Variants in GMDS observed in about 807,000 individuals in gnomAD.
GMDS encodes GDP-mannose 4,6-dehydratase.
In GMDS, 20 loss-of-function variants were observed where a neutral mutation model predicts 49.9. That is an observed-to-expected ratio of 0.40 (90% confidence interval 0.28 to 0.58). GMDS has a LOEUF of 0.58. Among genes scored for constraint, GMDS ranks in the 20% least tolerant of loss-of-function variants. The pLI is 0.42. For missense variants in GMDS, 362 were observed against 481.4 expected, an observed-to-expected ratio of 0.75 and a Z score of 2.32; for synonymous variants, 177 against 178.6, an observed-to-expected ratio of 0.99 and a Z score of 0.07.
At chr6:2,142,277 A>G (rs2127529439) in intron 1 of GMDS, among the ~76,000 whole-genome samples, 1 of 152,270 alleles carries the variant, frequency 6.6e-6, no homozygotes, top group East Asian at 1.9e-4. Context: ...TCCCCCTGAA[A>G]ATGTATATGC....
intron 1 of GMDS, among the ~76,000 whole-genome samples, chr6:2,130,921 G>A (rs1775703142): frequency 6.6e-6 from 1 of 151,892 alleles, no homozygotes; most frequent in East Asian, 1.9e-4. Flanking sequence ...TTTGGTGTTT[G>A]TGGCCTTAAT....
chr6:1,934,077 CTTCA>C (rs1468408775), intron 6 of GMDS, among the ~76,000 whole-genome samples: 1 of 152,112 alleles, frequency 6.6e-6, no homozygotes, highest in East Asian at 1.9e-4. Flanking sequence ...AAGGGTCTAA[CTTCA>C]TTCATTTGCA....
chr6:1,644,930 CTTT>C (rs754544147), intron 9 of GMDS, among the ~76,000 whole-genome samples: 15 of 136,224 alleles, frequency 1.1e-4, no homozygotes, highest in Non-Finnish European at 9.6e-5. Flanking sequence ...GACTCTGGTC[CTTT>C]TTTTTTTTTT....
At chr6:1,775,342 G>A (rs1768754690) in intron 7 of GMDS, among the ~76,000 whole-genome samples, 1 of 152,192 alleles carries the variant, frequency 6.6e-6, no homozygotes, top group Non-Finnish European at 1.5e-5. Context: ...TCTACAGGGT[G>A]GCTGCTAGCT....
chr6:1,768,709 T>C (rs937439837), intron 7 of GMDS, among the ~76,000 whole-genome samples: 12 of 152,234 alleles, frequency 7.9e-5, no homozygotes, highest in Admixed American at 5.2e-4. Flanking sequence ...CCAGTAAGTA[T>C]AATGCAGATA....
chr6:2,235,784 C>T (rs755570760), intron 1 of GMDS, among the ~76,000 whole-genome samples: 2 of 150,498 alleles, frequency 1.3e-5, no homozygotes, highest in African/African-American at 2.5e-5. Context: ...TGCACTCCAG[C>T]CTGAGCAAGA....
At chr6:1,854,694 C>T (rs967410926) in intron 7 of GMDS, among the ~76,000 whole-genome samples, 1 of 152,208 alleles carries the variant, frequency 6.6e-6, no homozygotes. Flanking sequence ...CCTGCAGACT[C>T]GCGATCTAGC....
At chr6:1,655,510 C>T (rs1333618167) in intron 9 of GMDS, among the ~76,000 whole-genome samples, 2 of 113,730 alleles carry the variant, frequency 1.8e-5, no homozygotes, top group East Asian at 6.5e-4. Context: ...CACACACACA[C>T]ACACACACAT....
chr6:2,171,225 G>A (rs571350321), intron 1 of GMDS, among the ~76,000 whole-genome samples: 1 of 152,254 alleles, frequency 6.6e-6, no homozygotes, highest in South Asian at 2.1e-4. Flanking sequence ...TTAATAAAAT[G>A]GAGTGATGAG....
At chr6:1,798,872 C>CA (rs1390525295) in intron 7 of GMDS, among the ~76,000 whole-genome samples, 1 of 152,166 alleles carries the variant, frequency 6.6e-6, no homozygotes. Flanking sequence ...GGTGGCAACA[C>CA]AAACCTGTAT....
intron 7 of GMDS, among the ~76,000 whole-genome samples, chr6:1,861,864 G>C (rs1758204408): frequency 6.6e-6 from 1 of 152,168 alleles, no homozygotes; most frequent in Admixed American, 6.5e-5. Flanking sequence ...GAAAAAGTGA[G>C]TAGATAGCAA....
chr6:2,162,864 C>G (rs1020637786), intron 1 of GMDS, among the ~76,000 whole-genome samples: 18 of 152,308 alleles, frequency 1.2e-4, no homozygotes, highest in Admixed American at 5.9e-4. Context: ...TTCCCTCCTG[C>G]TCTCCAAGCT....
chr6:1,997,377 A>G (rs1257620914), intron 4 of GMDS, among the ~76,000 whole-genome samples: 1 of 151,828 alleles, frequency 6.6e-6, no homozygotes, highest in Non-Finnish European at 1.5e-5. Flanking sequence ...GCGTGGTGGC[A>G]CACGCCTGTA....
chr6:2,176,787 A>C (rs368697690), intron 1 of GMDS, among the ~76,000 whole-genome samples: 8 of 152,236 alleles, frequency 5.3e-5, no homozygotes, highest in African/African-American at 1.9e-4. Context: ...CCTGCAGAAG[A>C]CACCTTTCAG....
At chr6:1,970,465 T>C (rs1287453253) in intron 4 of GMDS, among the ~76,000 whole-genome samples, 1 of 151,968 alleles carries the variant, frequency 6.6e-6, no homozygotes. Context: ...GGTGCAGACC[T>C]AGAAGCACTG....
At chr6:1,761,239 A>G (rs1768142957) in intron 7 of GMDS, among the ~76,000 whole-genome samples, 1 of 152,248 alleles carries the variant, frequency 6.6e-6, no homozygotes. Context: ...TAAAAAATTA[A>G]GTCTACTTAA....
chr6:1,711,490 G>A (rs1424544582), intron 9 of GMDS, among the ~76,000 whole-genome samples: 1 of 152,182 alleles, frequency 6.6e-6, no homozygotes, highest in African/African-American at 2.4e-5. Context: ...GAACACTTGG[G>A]TAACCCACCC....
chr6:1,862,175 G>A (rs182469998), intron 7 of GMDS, among the ~76,000 whole-genome samples: 48 of 152,282 alleles, frequency 3.2e-4, no homozygotes, highest in African/African-American at 1.0e-3. Flanking sequence ...CTGGGACTTC[G>A]CATTCTTCAT....
intron 9 of GMDS, among the ~76,000 whole-genome samples, chr6:1,724,262 T>C (rs1027201993): frequency 2.6e-5 from 4 of 152,214 alleles, no homozygotes; most frequent in Non-Finnish European, 5.9e-5. Context: ...ACCACTCTTA[T>C]ACTCAAAGAA....
Sources: allele counts gnomAD v4.1 joint callset (sites outside exome capture counted in the v4.1 genomes callset), GRCh38; gene constraint gnomAD v4.1.1; transcripts MANE v1.5; gene names NCBI Gene and HGNC (gene_info 2026-07-23, HGNC 2026-07-21).